The following KCNQ1 variants were observed in gnomAD, a reference collection of about 807,000 sequenced individuals.
KCNQ1 encodes the protein potassium voltage-gated channel subfamily KQT member 1.
Under a neutral mutation model 72.4 loss-of-function variants are expected in KCNQ1, and 49 were observed. The ratio of observed to expected loss-of-function variants is 0.68; its 90% CI spans 0.54 to 0.86. The LOEUF (loss-of-function observed/expected upper bound fraction) is 0.86. Ranked by LOEUF, KCNQ1 falls within the 40% of genes least tolerant of loss-of-function variation. The pLI, the probability that KCNQ1 is intolerant of heterozygous loss-of-function variation, is 0.00. For synonymous variants in KCNQ1, 450 were observed against 412.6 expected (o/e 1.09, Z -1.10); for missense variants, 790 against 945.1 (o/e 0.84, Z 2.15).
Position 2,750,539 on chromosome 11 carries a change from A to G in KCNQ1, c.1515-18305A>G, listed in dbSNP as rs1481706489. Among the ~76,000 whole-genome samples the G allele has an allele frequency of 6.6e-6, 1 of 152,220 alleles. No homozygotes were observed. The highest frequency in any genetic ancestry group is 1.9e-4 in the East Asian group (1 of 5,198). ...TCTCCTGCCTGGTAACCCTCTCTGC[A>G]GAGGCCCTGGCTGGACCAGTTGCTT... On this transcript the variant is annotated intron_variant, in intron 11 of 15. Coordinates refer to ENST00000155840, the MANE Select transcript of KCNQ1 (RefSeq NM_000218.3). The surrounding 1 kb of genome is among the most constrained non-coding windows in gnomAD (Gnocchi z 6.3).
Position 2,661,355 on chromosome 11 carries a change from C to T in KCNQ1, c.1394-606C>T. ...ATCCTGAGCTCCTGTGTCAAAGTTG[C>T]AGAGGTGGGCCCAGGAATCATAATG... On this transcript the variant is annotated intron_variant, in intron 10 of 15. Transcript: ENST00000155840. The surrounding 1 kb of genome is among the most constrained non-coding windows in gnomAD (Gnocchi z 5.9). 2 of 404,920 alleles carry T rather than the reference C, an allele frequency of 4.9e-6. No homozygotes were observed. Among genetic ancestry groups the T allele is most frequent in the Admixed American group, 4.1e-5 (1 of 24,328 alleles). The allele number at this position is 404,920 out of a possible 1,614,324, so 25.1% of individuals were successfully genotyped here. A position where few individuals can be genotyped will look rare whatever the true frequency, so the allele number is the denominator to read the frequency against.
In KCNQ1 at chr11:2,828,203, A is replaced by C. The variant is rs144578164; in HGVS notation, c.1795-19564A>C. Among the ~76,000 whole-genome samples, 643 of 152,328 alleles carry C rather than the reference A, an allele frequency of 4.2e-3. 8 individuals are homozygous for C. The highest frequency in any genetic ancestry group is 0.015 in the African/African-American group (613 of 41,578). On this transcript the variant is annotated intron_variant, in intron 15 of 15. Coordinates refer to ENST00000155840, the MANE Select transcript of KCNQ1 (RefSeq NM_000218.3). The surrounding 1 kb of genome is among the most constrained non-coding windows in gnomAD (Gnocchi z 5.3). ...CCTCAGCAGGCAGGGACTAGCACCC[A>C]AGAAGAAAACTCTGAGAAGTCAGGA... is the stretch of plus-strand genomic sequence containing the variant.
chr11:2,717,303 C>A (rs771059798), intron 11 of KCNQ1, among the ~76,000 whole-genome samples: 1 of 152,174 alleles, frequency 6.6e-6, no homozygotes, highest in Non-Finnish European at 1.5e-5. Context: ...TTGAGGGTTA[C>A]CCCAGAGTGA....
chr11:2,763,161 T>A (rs780813334), intron 11 of KCNQ1, among the ~76,000 whole-genome samples: 1 of 152,266 alleles, frequency 6.6e-6, no homozygotes, highest in South Asian at 2.1e-4. Flanking sequence ...AAATATTGAG[T>A]CTTCTTATAC....
Position 2,659,085 on chromosome 11 carries a change from G to A in KCNQ1, c.1394-2876G>A, listed in dbSNP as rs552093044. The A allele has an allele frequency of 8.0e-5, 32 of 398,380 alleles. No individual in the cohort carries two copies. Among genetic ancestry groups the A allele is most frequent in the Non-Finnish European group, 1.2e-4 (27 of 226,022 alleles). The allele number at this position is 398,380 out of a possible 1,614,324, so 24.7% of individuals were successfully genotyped here. On this transcript the variant is annotated intron_variant, in intron 10 of 15. Transcript: ENST00000155840. This position sits in a 1 kb window ranked among gnomAD's most constrained non-coding sequence, Gnocchi z 4.3. ...CGCTCATCATAGTCTGCTTTTCATC[G>A]TAGGGTCCTCCAACATCCGGGTTAA...
Position 2,668,675 on chromosome 11 carries a change from CAGAG to C in KCNQ1, c.1514+6602_1514+6605del, listed in dbSNP as rs954593533. ...CTTTAGATATTCTGGAGTCATTTGT[CAGAG>C]AGAGAGATACACACACTCACACTCT... is the stretch of plus-strand genomic sequence containing the variant. On this transcript the variant is annotated intron_variant, in intron 11 of 15. Transcript: ENST00000155840. This position sits in a 1 kb window ranked among gnomAD's most constrained non-coding sequence, Gnocchi z 4.3. The C allele has an allele frequency of 1.5e-5, 6 of 398,396 alleles. No individual in the cohort carries two copies. Among genetic ancestry groups the C allele is most frequent in the Admixed American group, 4.4e-5 (1 of 22,696 alleles). The allele number at this position is 398,396 out of a possible 1,614,324, so 24.7% of individuals were successfully genotyped here.
At position 2,668,117 on chromosome 11, in the gene KCNQ1, G is replaced by A. The variant is rs1236958084; in HGVS notation, c.1514+6036G>A. On this transcript the variant is annotated intron_variant, in intron 11 of 15. Transcript: ENST00000155840. This position sits in a 1 kb window ranked among gnomAD's most constrained non-coding sequence, Gnocchi z 4.3. The stretch of plus-strand genomic sequence containing the variant: ...TCCAATGTCCCTCACTCAATTTGAT[G>A]TCTGGCAGCCTCTCTATGGGGCTGA... 2 of 398,588 alleles carry A rather than the reference G, an allele frequency of 5.0e-6. No homozygotes were observed. The highest frequency in any genetic ancestry group is 4.4e-5 in the Admixed American group (1 of 22,728). The allele number at this position is 398,588 out of a possible 1,614,324, so 24.7% of individuals were successfully genotyped here. A position where few individuals can be genotyped will look rare whatever the true frequency, so the allele number is the denominator to read the frequency against.
intron 10 of KCNQ1, among the ~76,000 whole-genome samples, chr11:2,591,626 G>A (rs1160460333): frequency 6.6e-6 from 1 of 152,236 alleles, no homozygotes; most frequent in African/African-American, 2.4e-5. Flanking sequence ...GCTGCTTGCT[G>A]AATGCGGGGC....
chr11:2,544,408 GTA>G lies in KCNQ1; in HGVS notation c.477+16402_477+16403del, dbSNP rs540199116. Among the ~76,000 whole-genome samples the G allele has an allele frequency of 1.7e-4, 25 of 144,414 alleles. No homozygotes were observed. The highest frequency in any genetic ancestry group is 2.8e-4 in the Non-Finnish European group (19 of 67,058). 94.7% of individuals were successfully genotyped at this position (144,414 alleles called of 152,430 possible). ...TGCATATATGTGTATATATGTGTGT[GTA>G]TATATATATATGGTTACATACCTAA... On this transcript the variant is annotated intron_variant, in intron 2 of 15. Transcript: ENST00000155840. The surrounding 1 kb of genome is among the most constrained non-coding windows in gnomAD (Gnocchi z 4.4).
At position 2,495,859 on chromosome 11, in the gene KCNQ1, G is replaced by A. The variant is rs1364346373; in HGVS notation, c.387-32069G>A. On this transcript the variant is annotated intron_variant, in intron 1 of 15. Coordinates refer to ENST00000155840, the MANE Select transcript of KCNQ1 (RefSeq NM_000218.3). The surrounding 1 kb of genome is among the most constrained non-coding windows in gnomAD (Gnocchi z 4.6). ...CTGTAGATGTCTATTAGGTCCGCTT[G>A]GTCCAGAGCTGAGTTCAAGTCCTGA... 9.9e-5 allele frequency among the ~76,000 whole-genome samples: 15 copies of A among 152,282 alleles called. No individual in the cohort carries two copies. The highest frequency in any genetic ancestry group is 3.4e-3 in the Middle Eastern group (1 of 294).
At position 2,824,347 on chromosome 11, in the gene KCNQ1, C is replaced by T. The variant is rs1314504163; in HGVS notation, c.1795-23420C>T. Among the ~76,000 whole-genome samples, 5 of 152,066 alleles carry T rather than the reference C, an allele frequency of 3.3e-5. No homozygotes were observed. Among genetic ancestry groups the T allele is most frequent in the Non-Finnish European group, 7.4e-5 (5 of 68,014 alleles). ...GGGATTTGGAGACACAATCCCCAGACTTGGGGACGAGCTGGATATGGTGGT... is the reference window on the plus strand; with the variant it reads ...GGGATTTGGAGACACAATCCCCAGATTTGGGGACGAGCTGGATATGGTGGT... On this transcript the variant is annotated intron_variant, in intron 15 of 15. Transcript: ENST00000155840. The surrounding 1 kb of genome is among the most constrained non-coding windows in gnomAD (Gnocchi z 5.9).
rs547799374 is a variant in KCNQ1, at chr11:2,826,605, T to A, written c.1795-21162T>A. On this transcript the variant is annotated intron_variant, in intron 15 of 15. Coordinates refer to ENST00000155840, the MANE Select transcript of KCNQ1 (RefSeq NM_000218.3). This position sits in a 1 kb window ranked among gnomAD's most constrained non-coding sequence, Gnocchi z 4.2. ...ACCCACAGGGTAGAAATGCCCTGGA[T>A]TGGCTGTGGCACAAGAGGGCTGGCC... Among the ~76,000 whole-genome samples the A allele has an allele frequency of 6.6e-6, 1 of 152,320 alleles. No individual in the cohort carries two copies. Among genetic ancestry groups the A allele is most frequent in the African/African-American group, 2.4e-5 (1 of 41,572 alleles).
chr11:2,816,189 G>A lies in KCNQ1; in HGVS notation c.1795-31578G>A, dbSNP rs1847610422. 6.6e-6 allele frequency among the ~76,000 whole-genome samples: 1 copy of A among 152,224 alleles called. No individual in the cohort carries two copies. Among genetic ancestry groups the A allele is most frequent in the Non-Finnish European group, 1.5e-5 (1 of 68,044 alleles). ...GGTTGAAGGGTCAGTGGCCACCAGAGAGTTCCTGCTGCAGTGTGGAAAAGA... is the reference window on the plus strand; with the variant it reads ...GGTTGAAGGGTCAGTGGCCACCAGAAAGTTCCTGCTGCAGTGTGGAAAAGA... On this transcript the variant is annotated intron_variant, in intron 15 of 15. Transcript: ENST00000155840. The surrounding 1 kb of genome is among the most constrained non-coding windows in gnomAD (Gnocchi z 6.8).
rs12288677 is a variant in KCNQ1 at position 2,617,748 on chromosome 11, G to A, written c.1393+28894G>A. 0.012 allele frequency: 4,655 copies of A among 398,360 alleles called. 119 individuals carry two copies. The highest frequency in any genetic ancestry group is 0.05 in the African/African-American group (2,434 of 48,690). 24.7% of individuals were successfully genotyped at this position (398,360 alleles called of 1,614,324 possible). A position where few individuals can be genotyped will look rare whatever the true frequency, so the allele number is the denominator to read the frequency against. On this transcript the variant is annotated intron_variant, in intron 10 of 15. Coordinates refer to ENST00000155840, the MANE Select transcript of KCNQ1 (RefSeq NM_000218.3). This position sits in a 1 kb window ranked among gnomAD's most constrained non-coding sequence, Gnocchi z 4.6. ...ATTCTCATGAGTGTGAGGTGATATC[G>A]CATAGTAATTTTGATTTGCATTTCC...
chr11:2,460,070 C>A (rs1772684132), intron 1 of KCNQ1, among the ~76,000 whole-genome samples: 1 of 152,206 alleles, frequency 6.6e-6, no homozygotes, highest in Non-Finnish European at 1.5e-5. Flanking sequence ...CCTTGGTGTC[C>A]TGACTGCCAC....
rs915035064 is a variant in KCNQ1 at position 2,468,594 on chromosome 11, C to T, written c.386+23110C>T. 6.6e-6 allele frequency among the ~76,000 whole-genome samples: 1 copy of T among 152,206 alleles called. No individual in the cohort carries two copies. Among genetic ancestry groups the T allele is most frequent in the Non-Finnish European group, 1.5e-5 (1 of 68,046 alleles). ...CCCTCACAGCGTCCCCCTGTCCCCA[C>T]GACCAGGCCACTGCTGCCCTACCAT... On this transcript the variant is annotated intron_variant, in intron 1 of 15. Transcript: ENST00000155840. The surrounding 1 kb of genome is among the most constrained non-coding windows in gnomAD (Gnocchi z 5.7).
Position 2,593,173 on chromosome 11 carries a change from C to T in KCNQ1, c.1393+4319C>T, listed in dbSNP as rs536670413. Among the ~76,000 whole-genome samples the T allele has an allele frequency of 6.6e-6, 1 of 152,272 alleles. No individual in the cohort carries two copies. Among genetic ancestry groups the T allele is most frequent in the African/African-American group, 2.4e-5 (1 of 41,556 alleles). The stretch of plus-strand genomic sequence containing the variant: ...ACGATAAAAATGCAGGGCTGTGCCA[C>T]CAGGGTTTTGTCTTGACAAAGGGAC... On this transcript the variant is annotated intron_variant, in intron 10 of 15. Coordinates refer to ENST00000155840, the MANE Select transcript of KCNQ1 (RefSeq NM_000218.3). This position sits in a 1 kb window ranked among gnomAD's most constrained non-coding sequence, Gnocchi z 6.9.
intron 1 of KCNQ1, among the ~76,000 whole-genome samples, chr11:2,472,188 C>T (rs1846490035): frequency 8.8e-6 from 1 of 113,204 alleles, no homozygotes; most frequent in Non-Finnish European, 1.8e-5. Context: ...TGTATATGTG[C>T]ATGTCTATGT....
chr11:2,684,122 G>T lies in KCNQ1; in HGVS notation c.1514+22041G>T, dbSNP rs1850445281. 3 of 398,562 alleles carry T rather than the reference G, an allele frequency of 7.5e-6. No individual in the cohort carries two copies. In the South Asian group the frequency reaches 3.8e-4, roughly 51 times the overall value. The allele number at this position is 398,562 out of a possible 1,614,324, so 24.7% of individuals were successfully genotyped here. ...GAACCCTTTCACATAGATTCTTAAG[G>T]GGACCGTTTCCCTTGAAGAATGGGG... On this transcript the variant is annotated intron_variant, in intron 11 of 15. Transcript: ENST00000155840.
Sources: gnomAD v4.1 joint callset for allele counts (sites outside exome capture counted in the v4.1 genomes callset) on GRCh38, gnomAD v4.1.1 for gene constraint, Gnocchi (gnomAD v3.1) non-coding constraint, MANE v1.5 for transcripts, NCBI Gene and HGNC (gene_info 2026-07-23, HGNC 2026-07-21) for gene names.